The following NLGN4Y variants were observed in gnomAD, a reference collection of about 807,000 sequenced individuals.
NLGN4Y encodes neuroligin 4 Y-linked, also known as neuroligin-4, Y-linked.
Under a neutral mutation model 8.4 loss-of-function variants are expected in NLGN4Y, and 4 were observed. The ratio of observed to expected loss-of-function variants is 0.48; its 90% confidence interval spans 0.23 to 1.09. NLGN4Y has a LOEUF of 1.09. NLGN4Y is among the 50% of genes least tolerant of loss of function. The probability of loss-of-function intolerance (pLI) is 0.19; values close to 1 mark genes in which losing one functional copy is unlikely to be tolerated. For missense variants in NLGN4Y, 90 were observed against 192.3 expected, an observed-to-expected ratio of 0.47 and a Z score of 3.15; for synonymous variants, 35 against 75.6, an observed-to-expected ratio of 0.46 and a Z score of 2.78.
upstream of NLGN4Y, chrY:14,523,582 G>C: frequency 8.4e-6 from 1 of 118,448 alleles, no homozygotes; most frequent in Non-Finnish European, 1.8e-5. Context: ...TGTGAGCATG[G>C]AAGGCTTTTC....
intron 4 of NLGN4Y, among the ~76,000 whole-genome samples, chrY:14,765,636 CTGTT>C (rs2081091905): frequency 3.0e-5 from 1 of 33,584 alleles, no homozygotes; most frequent in Non-Finnish European, 7.4e-5. Flanking sequence ...CCTTAACACT[CTGTT>C]TGAGCAGTTC....
chrY:14,699,867 T>C lies in NLGN4Y; in HGVS notation c.473-19592T>C. Among the ~76,000 whole-genome samples, 3 of 32,967 alleles carry C rather than the reference T, an allele frequency of 9.1e-5. No individual in the cohort carries two copies. In the South Asian group the frequency reaches 2.0e-3, roughly 22 times the overall value. The allele number at this position is 32,967 out of a possible 37,273, so 88.4% of individuals were successfully genotyped here. A position where few individuals can be genotyped will look rare whatever the true frequency, so the allele number is the denominator to read the frequency against. On this transcript the variant is annotated intron_variant, in intron 2 of 6. Coordinates refer to ENST00000684976, the MANE Select transcript of NLGN4Y (RefSeq NM_001365588.1). ...CATGTTGGCCCAAAGTGATGGTTTA[T>C]GAATTTGTGAAAGAGTGAAAGGATT...
At chrY:14,587,918 G>A in intron 1 of NLGN4Y, among the ~76,000 whole-genome samples, 1 of 33,295 alleles carries the variant, frequency 3.0e-5, no homozygotes, top group Non-Finnish European at 7.4e-5. Context: ...ATTCCCTTCT[G>A]CACAAGCCCA....
chrY:14,625,855 C>T, intron 2 of NLGN4Y, among the ~76,000 whole-genome samples: 1 of 33,016 alleles, frequency 3.0e-5, no homozygotes, highest in African/African-American at 1.2e-4. Context: ...TAAAAAGTAA[C>T]GGAAAAATAA....
chrY:14,667,944 T>C (rs2080698166), intron 2 of NLGN4Y, among the ~76,000 whole-genome samples: 1 of 33,233 alleles, frequency 3.0e-5, no homozygotes, highest in Admixed American at 2.8e-4. Context: ...GGATGTATAA[T>C]TCAACAGATC....
intron 2 of NLGN4Y, among the ~76,000 whole-genome samples, chrY:14,661,504 A>G (rs2080674732): frequency 3.0e-5 from 1 of 33,019 alleles, no homozygotes; most frequent in Non-Finnish European, 7.4e-5. Flanking sequence ...ATTAAAAAAC[A>G]AACAAAAACC....
chrY:14,754,330 C>T (rs2081050986), intron 4 of NLGN4Y, among the ~76,000 whole-genome samples: 1 of 33,110 alleles, frequency 3.0e-5, no homozygotes, highest in Admixed American at 2.8e-4. Flanking sequence ...GCCAAGATCA[C>T]GCTGCTGCAC....
At chrY:14,651,100 A>T in intron 2 of NLGN4Y, among the ~76,000 whole-genome samples, 1 of 33,208 alleles carries the variant, frequency 3.0e-5, no homozygotes, top group African/African-American at 1.2e-4. Flanking sequence ...AGCCAATCCT[A>T]GGGCTTTATA....
At chrY:14,586,042 G>C in intron 1 of NLGN4Y, among the ~76,000 whole-genome samples, 1 of 33,306 alleles carries the variant, frequency 3.0e-5, no homozygotes, top group Non-Finnish European at 7.4e-5. Context: ...CTGACTCAGT[G>C]GGGTAGAGCC....
At chrY:14,639,952 A>G (rs2080584203) in intron 2 of NLGN4Y, 1 of 116,997 alleles carries the variant, frequency 8.5e-6, no homozygotes, top group Non-Finnish European at 1.8e-5. Context: ...CTTACATCCT[A>G]CTGGGCACAA....
chrY:14,685,186 A>T, intron 2 of NLGN4Y, among the ~76,000 whole-genome samples: 1 of 33,247 alleles, frequency 3.0e-5, no homozygotes, highest in South Asian at 6.8e-4. Flanking sequence ...ACTGTGGGCA[A>T]GTACAATGCC....
At chrY:14,598,397 G>A (rs111247952) in intron 1 of NLGN4Y, among the ~76,000 whole-genome samples, 139 of 33,695 alleles carry the variant, frequency 4.1e-3, no homozygotes, top group African/African-American at 0.011. Flanking sequence ...GTGGGCCAGC[G>A]CTGCTGGGGT....
chrY:14,532,664 G>A lies in NLGN4Y; in HGVS notation c.-112+7956G>A, dbSNP rs2080118596. ...CTGTACTCTAAAAAATCCTGCCTAT[G>A]TGTGGATGTTCACAAGAACGTTGTT... On this transcript the variant is annotated intron_variant, in intron 1 of 6. Transcript: ENST00000684976. Among the ~76,000 whole-genome samples the A allele has an allele frequency of 9.0e-5, 3 of 33,276 alleles. No homozygotes were observed. In the East Asian group the frequency reaches 2.4e-3, roughly 26 times the overall value. 89.3% of individuals were successfully genotyped at this position (33,276 alleles called of 37,273 possible). A position where few individuals can be genotyped will look rare whatever the true frequency, so the allele number is the denominator to read the frequency against.
chrY:14,828,891 T>C (rs775082082), intron 5 of NLGN4Y, among the ~76,000 whole-genome samples: 27 of 33,408 alleles, frequency 8.1e-4, no homozygotes, highest in African/African-American at 3.2e-3. Context: ...TTTATACTTC[T>C]GGACATTCAT....
intron 4 of NLGN4Y, among the ~76,000 whole-genome samples, chrY:14,751,994 T>C (rs2081043314): frequency 3.0e-5 from 1 of 33,292 alleles, no homozygotes; most frequent in African/African-American, 1.2e-4. Flanking sequence ...CACTTTACCA[T>C]AATTTTTTTC....
chrY:14,840,297 C>T (rs2043209907), intron 6 of NLGN4Y, 116 bp from the exon 7 acceptor site: 6 of 231,350 alleles, frequency 2.6e-5, no homozygotes, highest in East Asian at 2.0e-4. Flanking sequence ...ATTTTGTGCT[C>T]ATTGATAAAT....
chrY:14,702,506 G>A, intron 2 of NLGN4Y, among the ~76,000 whole-genome samples: 1 of 32,793 alleles, frequency 3.0e-5, no homozygotes, highest in Non-Finnish European at 7.5e-5. Context: ...CATTTTTATG[G>A]CTGCATAGTA....
chrY:14,611,357 T>G, intron 1 of NLGN4Y, among the ~76,000 whole-genome samples: 1 of 29,685 alleles, frequency 3.4e-5, no homozygotes, highest in Non-Finnish European at 7.9e-5. Context: ...GGTATTTTGG[T>G]AGTTTTTGCA....
At chrY:14,812,011 A>C in intron 4 of NLGN4Y, among the ~76,000 whole-genome samples, 1 of 33,720 alleles carries the variant, frequency 3.0e-5, no homozygotes, top group Non-Finnish European at 7.4e-5. Context: ...TTTATAAAGA[A>C]AACAGATTTA....
Sources: gnomAD v4.1 joint callset for allele counts (sites outside exome capture counted in the v4.1 genomes callset) on GRCh38, gnomAD v4.1.1 for gene constraint, MANE v1.5 for transcripts, NCBI Gene and HGNC (gene_info 2026-07-23, HGNC 2026-07-21) for gene names.